CELF2: variants seen among roughly 807,000 people sequenced by gnomAD.
The protein encoded by CELF2 is CUGBP Elav-like family member 2.
CELF2 carries 8 observed loss-of-function variants against 62.6 expected under a neutral mutation model. The ratio of observed to expected loss-of-function variants is 0.13; its 90% CI spans 0.07 to 0.23. The LOEUF is 0.23. CELF2 is among the 10% of genes least tolerant of loss of function. The pLI is 1.00. For synonymous variants in CELF2, 258 were observed against 250.0 expected (o/e 1.03, Z -0.30); for missense variants, 333 against 671.0 (o/e 0.50, Z 5.56).
intron 1 of CELF2, among the ~76,000 whole-genome samples, chr10:10,848,715 G>A (rs910794223): frequency 6.6e-6 from 1 of 152,186 alleles, no homozygotes; most frequent in East Asian, 1.9e-4. Flanking sequence ...CAGCGTGGGA[G>A]ATGGAGAAGG....
chr10:10,595,922 T>G, the CELF2 span, among the ~76,000 whole-genome samples: 4 of 152,074 alleles, frequency 2.6e-5, no homozygotes, highest in Non-Finnish European at 4.4e-5. Flanking sequence ...GGTATACATA[T>G]TACTGCAGAA....
At chr10:10,772,595 T>C in the CELF2 span, among the ~76,000 whole-genome samples, 3 of 152,176 alleles carry the variant, frequency 2.0e-5, no homozygotes, top group Non-Finnish European at 4.4e-5. Flanking sequence ...AGTGAACAGG[T>C]GGGCTTGGTG....
intron 1 of CELF2, among the ~76,000 whole-genome samples, chr10:10,894,668 T>C (rs1290774993): frequency 1.6e-5 from 2 of 124,600 alleles, no homozygotes; most frequent in Non-Finnish European, 3.3e-5. Context: ...GACTATAAAA[T>C]GTGCCACCTG....
intron 3 of CELF2, among the ~76,000 whole-genome samples, chr10:11,236,848 C>T (rs1161381687): frequency 6.6e-6 from 1 of 152,180 alleles, no homozygotes; most frequent in East Asian, 1.9e-4. Flanking sequence ...TGTGGATAAA[C>T]ACACAGCAGA....
intron 2 of CELF2, among the ~76,000 whole-genome samples, chr10:10,921,528 A>G (rs2064911780): frequency 6.6e-6 from 1 of 152,190 alleles, no homozygotes; most frequent in Non-Finnish European, 1.5e-5. Context: ...TCGGCCTCCC[A>G]AGGTGCTGGG....
At position 11,285,099 on chromosome 10, in the gene CELF2, TGGGTGGGTGGATGGGC is replaced by T. The variant is rs1265492304; in HGVS notation, c.842-3316_842-3301del. 2.1e-5 allele frequency among the ~76,000 whole-genome samples: 3 copies of T among 145,176 alleles called. No individual in the cohort carries two copies. Among genetic ancestry groups the T allele is most frequent in the Non-Finnish European group, 4.5e-5 (3 of 66,460 alleles). On this transcript the variant is annotated intron_variant, in intron 8 of 12. Coordinates refer to ENST00000633077, the MANE Select transcript of CELF2 (RefSeq NM_001326342.2). The surrounding 1 kb of genome is among the most constrained non-coding windows in gnomAD (Gnocchi z 4.3). ...GCGGAATGATGGATGGATGGATGGG[TGGGTGGGTGGATGGGC>T]GGATGATGGATATATGGATGGATGG...
intron 2 of CELF2, among the ~76,000 whole-genome samples, chr10:10,964,991 T>C (rs1245796437): frequency 6.6e-6 from 1 of 152,150 alleles, no homozygotes; most frequent in Non-Finnish European, 1.5e-5. Context: ...TGAAAAAAAC[T>C]GTGCAGTCAT....
At chr10:10,540,965 A>G in the CELF2 span, among the ~76,000 whole-genome samples, 1 of 152,072 alleles carries the variant, frequency 6.6e-6, no homozygotes, top group Non-Finnish European at 1.5e-5. Context: ...CGTGTGGATC[A>G]CGAGGTCAGG....
At chr10:10,985,042 C>T (rs901002814) in intron 2 of CELF2, among the ~76,000 whole-genome samples, 2 of 152,080 alleles carry the variant, frequency 1.3e-5, no homozygotes, top group Non-Finnish European at 2.9e-5. Flanking sequence ...ATATGTTGCC[C>T]CAACTTCCTT....
intron 8 of CELF2, among the ~76,000 whole-genome samples, chr10:11,281,021 T>TGTGTGTGTGTGTG (rs1555055100): frequency 6.6e-6 from 1 of 150,512 alleles, no homozygotes; most frequent in African/African-American, 2.5e-5. Context: ...TGTGTGTGTG[T>TGTGTGTGTGTGTG]TCAGAATGGG....
chr10:11,138,229 C>T (rs1455163101), intron 1 of CELF2, among the ~76,000 whole-genome samples: 7 of 152,182 alleles, frequency 4.6e-5, no homozygotes, highest in African/African-American at 7.2e-5. Flanking sequence ...CATTTCCCAG[C>T]AGCTGCCATT....
the CELF2 span, among the ~76,000 whole-genome samples, chr10:10,656,102 C>T: frequency 2.7e-5 from 4 of 146,950 alleles, no homozygotes; most frequent in Admixed American, 6.8e-5. Context: ...TTTATGCAGC[C>T]AAAAAACACA....
At chr10:10,730,703 G>T in the CELF2 span, among the ~76,000 whole-genome samples, 1 of 152,190 alleles carries the variant, frequency 6.6e-6, no homozygotes, top group Non-Finnish European at 1.5e-5. Flanking sequence ...CATGGGAGGG[G>T]TGTCGTCCTG....
At chr10:10,876,780 T>G (rs1477740041) in intron 1 of CELF2, among the ~76,000 whole-genome samples, 2 of 152,212 alleles carry the variant, frequency 1.3e-5, no homozygotes, top group Non-Finnish European at 2.9e-5. Context: ...AGCATCATCA[T>G]GCACTCCAGA....
intron 1 of CELF2, among the ~76,000 whole-genome samples, chr10:11,130,657 G>A (rs998957961): frequency 2.0e-5 from 3 of 152,126 alleles, no homozygotes; most frequent in Admixed American, 6.5e-5. Flanking sequence ...ATTTATTACC[G>A]ACAGTTAGTA....
chr10:10,687,477 A>G, the CELF2 span, among the ~76,000 whole-genome samples: 2 of 152,216 alleles, frequency 1.3e-5, no homozygotes, highest in Non-Finnish European at 2.9e-5. Context: ...TACTGAGAAC[A>G]CAAGCCTTTG....
the CELF2 span, among the ~76,000 whole-genome samples, chr10:10,622,155 T>G: frequency 6.6e-6 from 1 of 152,224 alleles, no homozygotes; most frequent in Non-Finnish European, 1.5e-5. Context: ...CTGGTGATTC[T>G]GAGGCGCTGC....
chr10:10,924,281 C>CAAAAAAAAAAAAA (rs11415164), intron 2 of CELF2, among the ~76,000 whole-genome samples: 4 of 45,100 alleles, frequency 8.9e-5, no homozygotes, highest in Non-Finnish European at 1.2e-4. Flanking sequence ...GACTCCGTCC[C>CAAAAAAAAAAAAA]AAAAAAAAAA....
At chr10:11,054,358 G>T (rs2064677591) in intron 1 of CELF2, among the ~76,000 whole-genome samples, 1 of 152,126 alleles carries the variant, frequency 6.6e-6, no homozygotes, top group Admixed American at 6.5e-5. Flanking sequence ...GATATTTATG[G>T]CAATGGTTCC....
Sources: allele counts gnomAD v4.1 joint callset (sites outside exome capture counted in the v4.1 genomes callset), GRCh38; gene constraint gnomAD v4.1.1; non-coding constraint Gnocchi (gnomAD v3.1); transcripts MANE v1.5; gene names NCBI Gene and HGNC (gene_info 2026-07-23, HGNC 2026-07-21).